Variants in CACNA2D1 observed in about 807,000 individuals in gnomAD.
The protein encoded by CACNA2D1 is voltage-dependent calcium channel subunit alpha-2/delta-1.
CACNA2D1 carries 53 observed loss-of-function variants against 171.5 expected under a neutral mutation model. That is an observed-to-expected ratio of 0.31 (90% CI 0.25 to 0.39). The LOEUF (loss-of-function observed/expected upper bound fraction) is 0.39, where lower values mean the gene tolerates loss of function less well. CACNA2D1 is among the 10% of genes least tolerant of loss of function. The probability of loss-of-function intolerance (pLI) is 1.00; values close to 1 mark genes in which losing one functional copy is unlikely to be tolerated. For missense variants in CACNA2D1, 903 were observed against 1,299.8 expected (o/e 0.69, Z 4.69); for synonymous variants, 442 against 443.1 (o/e 1.00, Z 0.03).
At chr7:82,417,902 CA>C (rs1029841575) in intron 1 of CACNA2D1, among the ~76,000 whole-genome samples, 13 of 151,986 alleles carry the variant, frequency 8.6e-5, no homozygotes, top group African/African-American at 3.1e-4. Context: ...AAATGACATA[CA>C]AAAAAAGTAT....
chr7:82,429,897 A>G (rs1461523855), intron 1 of CACNA2D1, among the ~76,000 whole-genome samples: 1 of 152,130 alleles, frequency 6.6e-6, no homozygotes, highest in Non-Finnish European at 1.5e-5. Context: ...CAAGCAGCTA[A>G]TATGTTTAAT....
intron 1 of CACNA2D1, among the ~76,000 whole-genome samples, chr7:82,429,364 T>C (rs1183019388): frequency 6.6e-6 from 1 of 152,118 alleles, no homozygotes; most frequent in East Asian, 1.9e-4. Context: ...TTCTCTGCAA[T>C]TAGGGTAGAT....
At chr7:82,364,281 A>G (rs1821428969) in intron 1 of CACNA2D1, among the ~76,000 whole-genome samples, 1 of 152,178 alleles carries the variant, frequency 6.6e-6, no homozygotes, top group Non-Finnish European at 1.5e-5. Context: ...GCAGCTGGAG[A>G]CAAGAACATA....
intron 6 of CACNA2D1, among the ~76,000 whole-genome samples, chr7:82,104,582 C>T (rs1004202377): frequency 6.6e-5 from 10 of 151,906 alleles, no homozygotes; most frequent in Admixed American, 4.6e-4. Flanking sequence ...TTATTTCTTA[C>T]CCCTTATTTT....
chr7:81,988,637 C>T (rs1425931248), intron 21 of CACNA2D1, among the ~76,000 whole-genome samples: 1 of 152,148 alleles, frequency 6.6e-6, no homozygotes, highest in Non-Finnish European at 1.5e-5. Flanking sequence ...GACTTCCGTA[C>T]TTAAATATTG....
intron 4 of CACNA2D1, among the ~76,000 whole-genome samples, chr7:82,169,285 T>A (rs978795517): frequency 6.6e-6 from 1 of 151,996 alleles, no homozygotes. Flanking sequence ...ATATCATGGA[T>A]AGCAAATTGA....
intron 1 of CACNA2D1, among the ~76,000 whole-genome samples, chr7:82,386,113 G>A (rs10233773): frequency 0.026 from 3,979 of 152,102 alleles, 207 homozygotes; most frequent in African/African-American, 0.09. Context: ...CTTGGAATCC[G>A]CAAAGTGCCC....
intron 2 of CACNA2D1, among the ~76,000 whole-genome samples, chr7:82,342,181 T>A (rs1818749933): frequency 1.3e-5 from 2 of 152,142 alleles, no homozygotes; most frequent in African/African-American, 2.4e-5. Context: ...CCTTTGAAAT[T>A]TTTTATGACT....
At position 81,947,444 on chromosome 7, in the gene CACNA2D1, C is replaced by A. The variant is rs1158096385; in HGVS notation, c.*2948G>T. On this transcript the variant is annotated 3_prime_UTR_variant, in exon 39 of 39. Transcript: ENST00000356860. ...AAATCTCTTCAATCAAACTTGCTAA[C>A]TATGTCATGTTAAAAACCTGTTACA... 1.3e-5 allele frequency: 2 copies of A among 151,576 alleles called. No homozygotes were observed. Among genetic ancestry groups the A allele is most frequent in the Non-Finnish European group, 2.9e-5 (2 of 67,800 alleles). 9.4% of individuals were successfully genotyped at this position (151,576 alleles called of 1,614,324 possible).
chr7:82,212,652 T>G (rs1800686716), intron 3 of CACNA2D1, among the ~76,000 whole-genome samples: 1 of 152,238 alleles, frequency 6.6e-6, no homozygotes, highest in Non-Finnish European at 1.5e-5. Flanking sequence ...CAGATATGGA[T>G]GCAGTCATGG....
rs141576425 is a variant in CACNA2D1 at position 82,302,333 on chromosome 7, T to C, written c.294+32802A>G. On this transcript the variant is annotated intron_variant, in intron 3 of 38. Coordinates refer to ENST00000356860, the MANE Select transcript of CACNA2D1 (RefSeq NM_000722.4). ...ACAAGTACATCCAAACATTAGACCATACTTTCACGGCCCAATTTGATGATG... is the reference window on the plus strand; with the variant it reads ...ACAAGTACATCCAAACATTAGACCACACTTTCACGGCCCAATTTGATGATG... Among the ~76,000 whole-genome samples the C allele has an allele frequency of 1.4e-4, 21 of 152,134 alleles. No individual in the cohort carries two copies. The East Asian group carries it at 4.1e-3, about 29-fold the overall frequency.
chr7:82,148,324 G>GAA lies in CACNA2D1; in HGVS notation c.355-11650_355-11649dup, dbSNP rs77224134. 9.9e-3 allele frequency among the ~76,000 whole-genome samples: 1,110 copies of GAA among 111,566 alleles called. 9 individuals are homozygous for GAA. The highest frequency in any genetic ancestry group is 0.035 in the African/African-American group (1,065 of 30,818). 73.2% of individuals were successfully genotyped at this position (111,566 alleles called of 152,430 possible). On this transcript the variant is annotated intron_variant, in intron 4 of 38. Coordinates refer to ENST00000356860, the MANE Select transcript of CACNA2D1 (RefSeq NM_000722.4). ...AAGTCTAAATGATGAGGCATAGTTA[G>GAA]AAAAAAAAAAAAAAGTCAAGGGATG...
chr7:82,104,173 C>T (rs779234892), intron 6 of CACNA2D1, among the ~76,000 whole-genome samples: 1 of 151,810 alleles, frequency 6.6e-6, no homozygotes, highest in Non-Finnish European at 1.5e-5. Context: ...TAATTCATCA[C>T]GTTTTCCGTT....
chr7:82,370,967 A>C (rs564882085), intron 1 of CACNA2D1, among the ~76,000 whole-genome samples: 1 of 152,336 alleles, frequency 6.6e-6, no homozygotes, highest in Admixed American at 6.5e-5. Flanking sequence ...TATATGTAAA[A>C]AAATAAATAT....
intron 3 of CACNA2D1, among the ~76,000 whole-genome samples, chr7:82,184,758 G>A (rs1233705737): frequency 6.6e-6 from 1 of 152,106 alleles, no homozygotes; most frequent in Middle Eastern, 3.4e-3. Flanking sequence ...GAATAATGAT[G>A]GTTAAAATGT....
At chr7:82,289,970 G>GAACCTACAGTAATGTAGGTTAAATCAC (rs1811317582) in intron 3 of CACNA2D1, among the ~76,000 whole-genome samples, 1 of 152,182 alleles carries the variant, frequency 6.6e-6, no homozygotes, top group Non-Finnish European at 1.5e-5. Flanking sequence ...ACTTAAAGTA[G>GAACCTACAGTAATGTAGGTTAAATCAC]AACCTACATT....
chr7:82,055,619 T>C lies in CACNA2D1; in HGVS notation c.879+4809A>G, dbSNP rs1047574500. On this transcript the variant is annotated intron_variant, in intron 10 of 38. Transcript: ENST00000356860. ...TGAGTTCATGTCCTTTGTAGGGACA[T>C]GGATGAAGATGGAAACCATCATTCT... is the stretch of plus-strand genomic sequence containing the variant. 4.0e-5 allele frequency among the ~76,000 whole-genome samples: 6 copies of C among 151,346 alleles called. No individual in the cohort carries two copies. The East Asian group carries it at 5.9e-4, about 15-fold the overall frequency.
intron 3 of CACNA2D1, among the ~76,000 whole-genome samples, chr7:82,177,305 T>C (rs1217840875): frequency 1.3e-5 from 2 of 152,050 alleles, no homozygotes; most frequent in Admixed American, 1.3e-4. Context: ...CCATAATAAA[T>C]TGATCTATAA....
At chr7:82,297,565 T>C (rs985103607) in intron 3 of CACNA2D1, among the ~76,000 whole-genome samples, 2 of 152,176 alleles carry the variant, frequency 1.3e-5, no homozygotes, top group Non-Finnish European at 2.9e-5. Context: ...AAAAAAGTCA[T>C]TGTAATTATA....
Sources: allele counts gnomAD v4.1 joint callset (sites outside exome capture counted in the v4.1 genomes callset), GRCh38; gene constraint gnomAD v4.1.1; transcripts MANE v1.5; gene names NCBI Gene and HGNC (gene_info 2026-07-23, HGNC 2026-07-21).